Variants in NKAIN1 observed in about 807,000 individuals in gnomAD.
NKAIN1 encodes sodium/potassium-transporting ATPase subunit beta-1-interacting protein 1.
NKAIN1 carries 13 observed loss-of-function variants against 31.6 expected under a neutral mutation model. The ratio of observed to expected loss-of-function variants is 0.41; its 90% confidence interval spans 0.27 to 0.65. NKAIN1 has a LOEUF of 0.65. Among genes scored for constraint, NKAIN1 ranks in the 30% least tolerant of loss-of-function variants. NKAIN1 has a pLI of 0.30. For synonymous variants in NKAIN1, 104 were observed against 109.0 expected (o/e 0.95, Z 0.28); for missense variants, 193 against 262.2 (o/e 0.74, Z 1.82).
rs759676546 is a variant in NKAIN1, at chr1:31,182,527, C to CA, written c.532+2dup. ...CCCACTTCCCCAGGGGCGCCTTACT[C>CA]ACAGCTGTCCTCCTCCTCCAGGAAC... On this transcript the variant is annotated splice_region_variant and intron_variant, in intron 5 of 6. Transcript: ENST00000373736. 6.2e-7 allele frequency: 1 copy of CA among 1,614,106 alleles called. No individual in the cohort carries two copies. The highest frequency in any genetic ancestry group is 8.5e-7 in the Non-Finnish European group (1 of 1,179,964).
intron 4 of NKAIN1, among the ~76,000 whole-genome samples, chr1:31,183,136 T>G (rs1009611018): frequency 2.0e-5 from 3 of 152,138 alleles, no homozygotes; most frequent in Non-Finnish European, 4.4e-5. Context: ...TCCACAGGCA[T>G]GAGGCATCAC....
rs1396831847 is a variant in NKAIN1, at chr1:31,197,675, T to C, written c.55-9488A>G. 2.2e-4 allele frequency among the ~76,000 whole-genome samples: 33 copies of C among 149,630 alleles called. 1 individual carries two copies. The Admixed American group carries it at 2.2e-3, about 10-fold the overall frequency. On this transcript the variant is annotated intron_variant, in intron 1 of 6. Transcript: ENST00000373736. The stretch of plus-strand genomic sequence containing the variant: ...GATTCTCCTGCCTCAGCCTCTGGAG[T>C]AGCTGGGATTACAGGCACCTGCCAC...
At chr1:31,191,237 G>A (rs962767734) in intron 1 of NKAIN1, among the ~76,000 whole-genome samples, 15 of 150,920 alleles carry the variant, frequency 9.9e-5, no homozygotes, top group African/African-American at 3.7e-4. Context: ...GCTGCAGTGA[G>A]CCAAGATCGC....
chr1:31,212,363 A>G (rs1645476208), intron 1 of NKAIN1, among the ~76,000 whole-genome samples: 1 of 151,954 alleles, frequency 6.6e-6, no homozygotes. Context: ...AAGGAACCAT[A>G]GGTATAAATC....
chr1:31,226,743 C>T (rs986942517), intron 1 of NKAIN1, among the ~76,000 whole-genome samples: 2 of 151,726 alleles, frequency 1.3e-5, no homozygotes, highest in Non-Finnish European at 2.9e-5. Flanking sequence ...AGGCTGTTCT[C>T]GAACTCCCAA....
chr1:31,237,502 C>G (rs987658395), intron 1 of NKAIN1, among the ~76,000 whole-genome samples: 2 of 144,098 alleles, frequency 1.4e-5, no homozygotes, highest in Non-Finnish European at 3.1e-5. Context: ...GAGAAGAAAA[C>G]TTTTTTTTTT....
intron 1 of NKAIN1, among the ~76,000 whole-genome samples, chr1:31,231,116 T>A (rs1188997494): frequency 6.6e-6 from 1 of 151,980 alleles, no homozygotes; most frequent in African/African-American, 2.4e-5. Flanking sequence ...ACTCCTGACC[T>A]CAAGTGATCC....
At chr1:31,182,501 C>T (rs1284450812) in intron 5 of NKAIN1, 29 bp downstream of exon 5, 3 of 1,613,188 alleles carry the variant, frequency 1.9e-6, no homozygotes, top group South Asian at 2.2e-5. Context: ...GGGCCAGATT[C>T]CCCACTTCCC....
In NKAIN1 at chr1:31,181,682, G is replaced by C; in HGVS notation, c.*21C>G. Reference sequence around the variant, plus strand: ...TGCGGTCAGCCCAGGGCGAGGCGCCGGGGTGGGCGCGGGGCAGAGGCTACC... The same window carrying C: ...TGCGGTCAGCCCAGGGCGAGGCGCCCGGGTGGGCGCGGGGCAGAGGCTACC... On this transcript the variant is annotated 3_prime_UTR_variant, in exon 7 of 7. Coordinates refer to ENST00000373736, the MANE Select transcript of NKAIN1 (RefSeq NM_024522.3). 1 of 1,457,310 alleles carries C rather than the reference G, an allele frequency of 6.9e-7. No individual in the cohort carries two copies. Among genetic ancestry groups the C allele is most frequent in the Middle Eastern group, 1.9e-4 (1 of 5,352 alleles). 90.3% of individuals were successfully genotyped at this position (1,457,310 alleles called of 1,614,324 possible). A position where few individuals can be genotyped will look rare whatever the true frequency, so the allele number is the denominator to read the frequency against.
At chr1:31,217,118 G>A (rs2153452) in intron 1 of NKAIN1, among the ~76,000 whole-genome samples, 75,195 of 151,816 alleles carry the variant, frequency 0.5, 19,685 homozygotes, top group East Asian at 0.77. Flanking sequence ...CGCCCACCTC[G>A]GCCTCCCAAA....
intron 1 of NKAIN1, among the ~76,000 whole-genome samples, chr1:31,230,101 C>T (rs1388369730): frequency 6.6e-6 from 1 of 152,172 alleles, no homozygotes; most frequent in African/African-American, 2.4e-5. Flanking sequence ...GCTGCTCCAG[C>T]TTGAGCCTTC....
chr1:31,238,031 C>T (rs1055267450), intron 1 of NKAIN1, among the ~76,000 whole-genome samples: 2 of 152,156 alleles, frequency 1.3e-5, no homozygotes, highest in Admixed American at 6.5e-5. Context: ...TCCACCTGAT[C>T]TTAATTAATT....
At chr1:31,197,082 A>T (rs1645332939) in intron 1 of NKAIN1, among the ~76,000 whole-genome samples, 1 of 145,818 alleles carries the variant, frequency 6.9e-6, no homozygotes, top group Non-Finnish European at 1.5e-5. Flanking sequence ...TTTTTTCCAC[A>T]GTGCTTATGA....
intron 1 of NKAIN1, among the ~76,000 whole-genome samples, chr1:31,230,529 T>C (rs1337463949): frequency 6.6e-6 from 1 of 152,148 alleles, no homozygotes; most frequent in African/African-American, 2.4e-5. Context: ...AAAACCTTAC[T>C]GCTCATTCAG....
At chr1:31,204,048 C>G (rs959587955) in intron 1 of NKAIN1, among the ~76,000 whole-genome samples, 6 of 152,128 alleles carry the variant, frequency 3.9e-5, no homozygotes, top group African/African-American at 1.4e-4. Context: ...TAGAGCACAG[C>G]ACTTTCAGGG....
At chr1:31,191,647 T>C (rs190304564) in intron 1 of NKAIN1, among the ~76,000 whole-genome samples, 290 of 152,312 alleles carry the variant, frequency 1.9e-3, no homozygotes, top group Admixed American at 4.1e-3. Flanking sequence ...CTTAACAGTC[T>C]AAGCTTCTTA....
intron 1 of NKAIN1, among the ~76,000 whole-genome samples, chr1:31,204,705 G>C (rs1321883445): frequency 5.9e-5 from 9 of 152,198 alleles, no homozygotes; most frequent in African/African-American, 2.2e-4. Flanking sequence ...CCCCAACTAA[G>C]TACAATGAAG....
intron 1 of NKAIN1, among the ~76,000 whole-genome samples, chr1:31,218,071 T>TCTTTCTTTCTTTCTCTTTCTTTCTTTC (rs201070152): frequency 1.5e-5 from 2 of 133,708 alleles, no homozygotes; most frequent in African/African-American, 5.6e-5. Flanking sequence ...TTTCTTTCTT[T>TCTTTCTTTCTTTCTCTTTCTTTCTTTC]TTTTTTTTTG....
chr1:31,189,188 C>T (rs536808864), intron 1 of NKAIN1, among the ~76,000 whole-genome samples: 4 of 151,970 alleles, frequency 2.6e-5, no homozygotes, highest in Non-Finnish European at 4.4e-5. Flanking sequence ...ACCATGTGAG[C>T]GAGGCCATGC....
Sources: gnomAD v4.1 joint callset for allele counts (sites outside exome capture counted in the v4.1 genomes callset) on GRCh38, gnomAD v4.1.1 for gene constraint, MANE v1.5 for transcripts, NCBI Gene and HGNC (gene_info 2026-07-23, HGNC 2026-07-21) for gene names.